The following TMCC1 variants were observed in gnomAD, a reference collection of about 807,000 sequenced individuals.
TMCC1 encodes the protein transmembrane and coiled-coil domain family 1.
Under a neutral mutation model 52.4 loss-of-function variants are expected in TMCC1, and 15 were observed. The ratio of observed to expected loss-of-function variants is 0.29; its 90% CI spans 0.19 to 0.44. TMCC1 has a LOEUF of 0.44. TMCC1 is among the 20% of genes least tolerant of loss of function. The probability of loss-of-function intolerance (pLI) is 1.00; values close to 1 mark genes in which losing one functional copy is unlikely to be tolerated. For synonymous variants in TMCC1, 279 were observed against 301.9 expected (o/e 0.92, Z 0.79); for missense variants, 503 against 806.0 (o/e 0.62, Z 4.55).
At chr3:129,732,680 A>G (rs1458825721) in intron 4 of TMCC1, among the ~76,000 whole-genome samples, 1 of 151,826 alleles carries the variant, frequency 6.6e-6, no homozygotes, top group Non-Finnish European at 1.5e-5. Flanking sequence ...GATGAAGGAG[A>G]GAGAAAAAAA....
At chr3:129,817,341 T>G (rs1275237372) in intron 4 of TMCC1, among the ~76,000 whole-genome samples, 1 of 151,950 alleles carries the variant, frequency 6.6e-6, no homozygotes, top group Non-Finnish European at 1.5e-5. Flanking sequence ...ACTAGCATTT[T>G]GGGAGGCTGA....
intron 1 of TMCC1, among the ~76,000 whole-genome samples, chr3:129,881,684 G>A (rs923816054): frequency 1.3e-5 from 2 of 152,078 alleles, no homozygotes; most frequent in African/African-American, 4.8e-5. Context: ...CTACATCACT[G>A]CATTTCTATC....
At chr3:129,700,453 A>G (rs1468341435) in intron 4 of TMCC1, among the ~76,000 whole-genome samples, 2 of 152,162 alleles carry the variant, frequency 1.3e-5, no homozygotes. Flanking sequence ...TACCCTTCCA[A>G]AATTTCTGGG....
At chr3:129,688,273 A>G (rs1160519446) in intron 4 of TMCC1, 2 of 985,310 alleles carry the variant, frequency 2.0e-6, no homozygotes, top group Admixed American at 6.2e-5. Flanking sequence ...TAAAAAAAAA[A>G]AAATCACAAC....
chr3:129,738,307 A>G (rs919319017), intron 4 of TMCC1, among the ~76,000 whole-genome samples: 18 of 151,652 alleles, frequency 1.2e-4, no homozygotes, highest in Admixed American at 2.6e-4. Context: ...AAGAAAAAAG[A>G]AAGAGAGCTT....
At chr3:129,745,506 T>C (rs1050979471) in intron 4 of TMCC1, among the ~76,000 whole-genome samples, 9 of 152,242 alleles carry the variant, frequency 5.9e-5, no homozygotes, top group Admixed American at 2.6e-4. Context: ...TGTATGTTTA[T>C]AGTTGTGATT....
chr3:129,747,974 T>A (rs2052133123), intron 4 of TMCC1, among the ~76,000 whole-genome samples: 2 of 152,100 alleles, frequency 1.3e-5, no homozygotes, highest in South Asian at 4.1e-4. Flanking sequence ...TGAAGAGAAC[T>A]TGAAGAAAAA....
chr3:129,814,122 C>A (rs1355804265), intron 4 of TMCC1, among the ~76,000 whole-genome samples: 4 of 151,630 alleles, frequency 2.6e-5, no homozygotes, highest in African/African-American at 9.7e-5. Flanking sequence ...CAATCAGAAA[C>A]CATGAAATTT....
chr3:129,821,659 T>C (rs2058430102), intron 4 of TMCC1, among the ~76,000 whole-genome samples: 1 of 152,154 alleles, frequency 6.6e-6, no homozygotes, highest in South Asian at 2.1e-4. Context: ...CTGCAACATT[T>C]TATGTGGTTA....
chr3:129,808,213 T>G (rs1033014685), intron 4 of TMCC1, among the ~76,000 whole-genome samples: 4 of 152,062 alleles, frequency 2.6e-5, no homozygotes, highest in Admixed American at 6.6e-5. Context: ...CTGGGCATGA[T>G]GGCTCACGCC....
intron 5 of TMCC1, among the ~76,000 whole-genome samples, chr3:129,661,251 C>A (rs1417701802): frequency 2.6e-5 from 4 of 152,144 alleles, no homozygotes; most frequent in Non-Finnish European, 5.9e-5. Context: ...AATAGCAAAA[C>A]CCTGTCTTTA....
At chr3:129,813,973 TTC>T (rs1052773178) in intron 4 of TMCC1, among the ~76,000 whole-genome samples, 2 of 138,160 alleles carry the variant, frequency 1.4e-5, no homozygotes, top group African/African-American at 6.4e-5. Context: ...TGTCCTTAAG[TTC>T]TTTTTCCTTA....
At position 129,827,836 on chromosome 3, in the gene TMCC1, TGCAGCAGCAGCA is replaced by T. The variant is rs759420997; in HGVS notation, c.531_542del (p.Ala178_Ala181del). The T allele has an allele frequency of 1.9e-6, 3 of 1,601,140 alleles. No homozygotes were observed. The highest frequency in any genetic ancestry group is 2.6e-6 in the Non-Finnish European group (3 of 1,171,174). On this transcript the variant is annotated inframe_deletion, in exon 4 of 7. Coordinates refer to ENST00000393238, the MANE Select transcript of TMCC1 (RefSeq NM_001017395.5). ...CAGTTCCCTCCTCTCCTGGTAGACA[TGCAGCAGCAGCA>T]GCAGCAGCAGCACAAGCTATTTCCA...
At position 129,649,504 on chromosome 3, in the gene TMCC1, GTAC is replaced by G. The variant is rs2086203717; in HGVS notation, c.*1974_*1976del. ...TGAGGGGGCAACAGAGCTAGCAGGTGTACTACAATCAGCTGAGGTTGGGGTGAA... is the reference window on the plus strand; with the variant it reads ...TGAGGGGGCAACAGAGCTAGCAGGTGTACAATCAGCTGAGGTTGGGGTGAA... On this transcript the variant is annotated 3_prime_UTR_variant, in exon 7 of 7. Transcript: ENST00000393238. 6.6e-6 allele frequency: 1 copy of G among 152,446 alleles called. No individual in the cohort carries two copies. Among genetic ancestry groups the G allele is most frequent in the African/African-American group, 2.4e-5 (1 of 41,374 alleles). The allele number at this position is 152,446 out of a possible 1,614,324, so 9.4% of individuals were successfully genotyped here. A position where few individuals can be genotyped will look rare whatever the true frequency, so the allele number is the denominator to read the frequency against.
intron 4 of TMCC1, 186 bp downstream of exon 4, chr3:129,827,617 A>T: frequency 1.6e-6 from 1 of 643,266 alleles, no homozygotes; most frequent in Non-Finnish European, 2.6e-6. Flanking sequence ...GGAAATAGGA[A>T]TATAATTCTA....
intron 4 of TMCC1, among the ~76,000 whole-genome samples, chr3:129,808,939 CAAAG>C (rs2057637569): frequency 1.8e-5 from 2 of 113,238 alleles, no homozygotes; most frequent in Non-Finnish European, 3.9e-5. Context: ...AAAAAAAAAA[CAAAG>C]AAACTTGTTT....
intron 4 of TMCC1, among the ~76,000 whole-genome samples, chr3:129,717,708 A>G (rs1264187879): frequency 2.6e-5 from 4 of 152,336 alleles, no homozygotes; most frequent in Admixed American, 1.3e-4. Flanking sequence ...TTCTGTTAGC[A>G]TCGCCTTCAA....
intron 4 of TMCC1, among the ~76,000 whole-genome samples, chr3:129,761,799 T>G (rs2053619505): frequency 1.3e-5 from 2 of 152,022 alleles, no homozygotes; most frequent in African/African-American, 4.8e-5. Flanking sequence ...GAGAGCAGCC[T>G]CGCCAACGTG....
At chr3:129,669,451 T>G (rs1324704412) in intron 5 of TMCC1, among the ~76,000 whole-genome samples, 2 of 151,926 alleles carry the variant, frequency 1.3e-5, no homozygotes, top group Non-Finnish European at 2.9e-5. Context: ...TTTTTTTTTT[T>G]GAGACGGAGT....
Sources: gnomAD v4.1 joint callset for allele counts (sites outside exome capture counted in the v4.1 genomes callset) on GRCh38, gnomAD v4.1.1 for gene constraint, MANE v1.5 for transcripts, NCBI Gene and HGNC (gene_info 2026-07-23, HGNC 2026-07-21) for gene names.